Variants in IMMP2L observed in about 807,000 individuals in gnomAD.
IMMP2L encodes the protein inner mitochondrial membrane peptidase subunit 2.
A neutral mutation model predicts 19.3 loss-of-function variants in IMMP2L; 18 were observed. That is an observed-to-expected ratio of 0.93 (90% confidence interval 0.64 to 1.38). The LOEUF (loss-of-function observed/expected upper bound fraction) is 1.38. Among genes scored for constraint, IMMP2L ranks in the 40% most tolerant of loss-of-function variants. IMMP2L has a pLI of 0.00. For synonymous variants in IMMP2L, 76 were observed against 73.0 expected, an observed-to-expected ratio of 1.04 and a Z score of -0.21; for missense variants, 233 against 218.2, an observed-to-expected ratio of 1.07 and a Z score of -0.43.
intron 3 of IMMP2L, among the ~76,000 whole-genome samples, chr7:111,164,168 G>A (rs1003354213): frequency 3.3e-5 from 5 of 151,622 alleles, no homozygotes; most frequent in African/African-American, 7.3e-5. Flanking sequence ...AGGAAGGCAG[G>A]AAGGCAGAAA....
chr7:111,053,416 T>C lies in IMMP2L; in HGVS notation c.240-89851A>G, dbSNP rs185097297. The stretch of plus-strand genomic sequence containing the variant: ...AGTCAAATGGCCCTAGGTGGTCATA[T>C]ACCAGTTAAACTCCAACATTTTGCC... On this transcript the variant is annotated intron_variant, in intron 3 of 5. Transcript: ENST00000405709. Among the ~76,000 whole-genome samples the C allele has an allele frequency of 1.1e-4, 16 of 152,322 alleles. No homozygotes were observed. In the East Asian group the frequency reaches 3.1e-3, roughly 29 times the overall value.
intron 3 of IMMP2L, among the ~76,000 whole-genome samples, chr7:111,065,399 G>A (rs768197101): frequency 6.6e-6 from 1 of 152,170 alleles, no homozygotes; most frequent in Admixed American, 6.5e-5. Context: ...GATCTCAGGA[G>A]ATGTGTATGG....
intron 5 of IMMP2L, among the ~76,000 whole-genome samples, chr7:110,861,098 T>TGAGAGAGAGAGAGAGAGAGAGAGA (rs5886583): frequency 7.1e-6 from 1 of 141,636 alleles, no homozygotes; most frequent in Non-Finnish European, 1.5e-5. Context: ...TGTGTGTGTG[T>TGAGAGAGAGAGAGAGAGAGAGAGA]GAGAGAGAGA....
rs557255471 is a variant in IMMP2L at position 110,954,444 on chromosome 7, G to A, written c.305+9056C>T. Among the ~76,000 whole-genome samples, 4 of 152,174 alleles carry A rather than the reference G, an allele frequency of 2.6e-5. No individual in the cohort carries two copies. The South Asian group carries it at 8.3e-4, about 32-fold the overall frequency. On this transcript the variant is annotated intron_variant, in intron 4 of 5. Coordinates refer to ENST00000405709, the MANE Select transcript of IMMP2L (RefSeq NM_032549.4). ...AGACAGGAACAGTGTTTAACACACA[G>A]GAAATATTCAAGGCACTCAATAAAT...
At chr7:111,064,450 C>T (rs1794309052) in intron 3 of IMMP2L, among the ~76,000 whole-genome samples, 1 of 152,074 alleles carries the variant, frequency 6.6e-6, no homozygotes, top group African/African-American at 2.4e-5. Context: ...GGGAAAAGTT[C>T]TCCAGAAGGC....
chr7:110,778,601 TG>T (rs1171538001), intron 5 of IMMP2L, among the ~76,000 whole-genome samples: 1 of 152,004 alleles, frequency 6.6e-6, no homozygotes, highest in African/African-American at 2.4e-5. Context: ...CTAGGACAGC[TG>T]CTCTTAAATT....
chr7:111,421,878 A>C (rs1462225294), intron 3 of IMMP2L, among the ~76,000 whole-genome samples: 1 of 151,786 alleles, frequency 6.6e-6, no homozygotes, highest in Admixed American at 6.6e-5. Flanking sequence ...TCTTTAATCC[A>C]TCTTGAATTA....
intron 4 of IMMP2L, among the ~76,000 whole-genome samples, chr7:110,946,981 A>C (rs984093109): frequency 1.3e-5 from 2 of 152,056 alleles, no homozygotes; most frequent in African/African-American, 2.4e-5. Context: ...CGGCCTCCCA[A>C]AGTGCTGGGA....
chr7:110,848,405 A>AC (rs1189072709), intron 5 of IMMP2L, among the ~76,000 whole-genome samples: 3 of 152,118 alleles, frequency 2.0e-5, no homozygotes, highest in Non-Finnish European at 2.9e-5. Flanking sequence ...AATGCTGACA[A>AC]CCCCAAATTC....
intron 3 of IMMP2L, among the ~76,000 whole-genome samples, chr7:111,108,580 A>C (rs1798814863): frequency 6.6e-6 from 1 of 152,222 alleles, no homozygotes; most frequent in African/African-American, 2.4e-5. Flanking sequence ...TCGAGATATA[A>C]TGAGAGTAGA....
At chr7:110,987,709 T>G (rs1404132483) in intron 3 of IMMP2L, among the ~76,000 whole-genome samples, 1 of 152,204 alleles carries the variant, frequency 6.6e-6, no homozygotes, top group Non-Finnish European at 1.5e-5. Context: ...GGGTACAGTG[T>G]GCAGGTGTCG....
intron 5 of IMMP2L, among the ~76,000 whole-genome samples, chr7:110,851,788 A>G (rs1172462816): frequency 6.6e-6 from 1 of 152,158 alleles, no homozygotes; most frequent in Non-Finnish European, 1.5e-5. Context: ...ATAGGAATTT[A>G]TGCAGAAATT....
chr7:111,367,310 A>C (rs762500455), intron 3 of IMMP2L, among the ~76,000 whole-genome samples: 18 of 151,958 alleles, frequency 1.2e-4, no homozygotes, highest in Non-Finnish European at 2.4e-4. Flanking sequence ...AAGAGCCCTC[A>C]CAATGCAAGC....
chr7:111,317,860 G>A (rs17540016), intron 3 of IMMP2L, among the ~76,000 whole-genome samples: 2 of 152,094 alleles, frequency 1.3e-5, no homozygotes, highest in Non-Finnish European at 2.9e-5. Flanking sequence ...TTAGAGTTAA[G>A]TGAAACTTTG....
At chr7:110,847,604 T>C (rs1035644727) in intron 5 of IMMP2L, among the ~76,000 whole-genome samples, 7 of 152,076 alleles carry the variant, frequency 4.6e-5, no homozygotes, top group African/African-American at 1.7e-4. Context: ...AAACCTGGAA[T>C]AGCCACTCAA....
intron 3 of IMMP2L, among the ~76,000 whole-genome samples, chr7:111,217,769 G>T (rs1812109027): frequency 6.6e-6 from 1 of 151,986 alleles, no homozygotes; most frequent in African/African-American, 2.4e-5. Flanking sequence ...CAATATGAAT[G>T]AAATTCTAAT....
At chr7:111,301,921 T>TAAAAAAAAA (rs59156229) in intron 3 of IMMP2L, among the ~76,000 whole-genome samples, 9 of 83,158 alleles carry the variant, frequency 1.1e-4, no homozygotes, top group Admixed American at 3.5e-4. Flanking sequence ...TTTCATGCTT[T>TAAAAAAAAA]AAAAAAAAAA....
chr7:111,154,989 C>T (rs1804485632), intron 3 of IMMP2L, among the ~76,000 whole-genome samples: 1 of 152,068 alleles, frequency 6.6e-6, no homozygotes, highest in Admixed American at 6.6e-5. Context: ...AACTCCTGGA[C>T]TCATGTGATC....
At chr7:111,298,143 G>A (rs1821825842) in intron 3 of IMMP2L, among the ~76,000 whole-genome samples, 1 of 152,028 alleles carries the variant, frequency 6.6e-6, no homozygotes, top group Non-Finnish European at 1.5e-5. Flanking sequence ...ATGTACACAT[G>A]GCAACATGGA....
Sources: allele counts gnomAD v4.1 joint callset (sites outside exome capture counted in the v4.1 genomes callset), GRCh38; gene constraint gnomAD v4.1.1; transcripts MANE v1.5; gene names NCBI Gene and HGNC (gene_info 2026-07-23, HGNC 2026-07-21).